CCDC178: variants seen among roughly 807,000 people sequenced by gnomAD.
CCDC178 encodes coiled-coil domain containing 178, also known as coiled-coil domain-containing protein 178.
CCDC178 carries 126 observed loss-of-function variants against 117.4 expected under a neutral mutation model. The ratio of observed to expected loss-of-function variants is 1.07; its 90% confidence interval spans 0.93 to 1.24. The LOEUF (loss-of-function observed/expected upper bound fraction) is 1.24. Ranked by LOEUF, CCDC178 falls within the 50% of genes most tolerant of loss-of-function variation. The pLI is 0.00. For missense variants in CCDC178, 1,030 were observed against 986.9 expected (o/e 1.04, Z -0.59); for synonymous variants, 283 against 313.4 (o/e 0.90, Z 1.02).
chr18:33,324,743 C>CATT (rs1439948177), intron 10 of CCDC178, among the ~76,000 whole-genome samples: 1 of 148,876 alleles, frequency 6.7e-6, no homozygotes, highest in Non-Finnish European at 1.5e-5. Flanking sequence ...TATGTGTCTA[C>CATT]ATTAATTGTC....
At chr18:32,982,494 A>G (rs28706728) in intron 21 of CCDC178, among the ~76,000 whole-genome samples, 61 of 152,292 alleles carry the variant, frequency 4.0e-4, no homozygotes, top group African/African-American at 1.3e-3. Context: ...GTCTATGAAT[A>G]ATAATTTGTT....
At chr18:33,337,179 T>C (rs1054018907) in intron 9 of CCDC178, among the ~76,000 whole-genome samples, 1 of 151,356 alleles carries the variant, frequency 6.6e-6, no homozygotes, top group Admixed American at 6.6e-5. Context: ...GTTGAGTTCC[T>C]AATTTCTCAG....
At chr18:33,287,678 G>A (rs2060115771) in intron 12 of CCDC178, among the ~76,000 whole-genome samples, 1 of 152,120 alleles carries the variant, frequency 6.6e-6, no homozygotes, top group South Asian at 2.1e-4. Flanking sequence ...TACTCAGGAG[G>A]CTGTGGCAGG....
intron 21 of CCDC178, among the ~76,000 whole-genome samples, chr18:33,055,565 G>C (rs993205797): frequency 3.9e-5 from 6 of 152,058 alleles, no homozygotes; most frequent in Non-Finnish European, 8.8e-5. Context: ...CTGGGCTCAA[G>C]CAATCGTCCT....
intron 12 of CCDC178, among the ~76,000 whole-genome samples, chr18:33,283,697 A>G (rs1478833051): frequency 4.6e-5 from 7 of 152,224 alleles, no homozygotes; most frequent in Non-Finnish European, 7.3e-5. Flanking sequence ...AAACAAAACC[A>G]CAATGAAATA....
chr18:33,179,118 ATATATATATAAAC>A (rs1275714506), intron 20 of CCDC178, among the ~76,000 whole-genome samples: 18 of 104,404 alleles, frequency 1.7e-4, no homozygotes, highest in Admixed American at 7.1e-4. Flanking sequence ...TAAACTATAT[ATATATATATAAAC>A]TATATATATA....
intron 20 of CCDC178, among the ~76,000 whole-genome samples, chr18:33,164,137 C>A (rs1306716451): frequency 1.5e-5 from 2 of 132,508 alleles, no homozygotes; most frequent in South Asian, 4.8e-4. Context: ...AACAGAGTTT[C>A]GCTCTTGTTG....
chr18:32,981,878 A>C (rs1470414606), intron 21 of CCDC178, among the ~76,000 whole-genome samples: 1 of 152,172 alleles, frequency 6.6e-6, no homozygotes, highest in Non-Finnish European at 1.5e-5. Context: ...GTGACTTCAT[A>C]ACTTATTTCA....
At chr18:33,226,141 C>T (rs1281826044) in intron 16 of CCDC178, among the ~76,000 whole-genome samples, 2 of 152,194 alleles carry the variant, frequency 1.3e-5, no homozygotes, top group East Asian at 3.9e-4. Context: ...AGCCTGGCGA[C>T]AGAGCAAGAC....
chr18:33,318,146 C>A (rs1321778749), intron 11 of CCDC178, among the ~76,000 whole-genome samples: 1 of 152,214 alleles, frequency 6.6e-6, no homozygotes. Context: ...AACACCCTCA[C>A]CCTTCACTAG....
chr18:33,189,588 G>A (rs773531554), intron 20 of CCDC178, among the ~76,000 whole-genome samples: 3 of 152,244 alleles, frequency 2.0e-5, no homozygotes, highest in Non-Finnish European at 4.4e-5. Context: ...AAAGTGATAT[G>A]AACTGTGTAT....
At chr18:33,431,814 T>C (rs1178029708) in intron 2 of CCDC178, among the ~76,000 whole-genome samples, 1 of 152,230 alleles carries the variant, frequency 6.6e-6, no homozygotes, top group African/African-American at 2.4e-5. Context: ...CCCATTTTTA[T>C]ATCATAACAA....
chr18:33,407,937 CA>C lies in CCDC178; in HGVS notation c.58+4093del, dbSNP rs531810103. On this transcript the variant is annotated intron_variant, in intron 3 of 22. Coordinates refer to ENST00000383096, the MANE Select transcript of CCDC178 (RefSeq NM_001105528.4). Reference sequence around the variant, plus strand: ...CTAGAAGTAATAAAACCCTCATTACCAAAACAAGAAATGTTCAGAAAACCTA... The same window carrying C: ...CTAGAAGTAATAAAACCCTCATTACCAAACAAGAAATGTTCAGAAAACCTA... Among the ~76,000 whole-genome samples, 12 of 151,486 alleles carry C rather than the reference CA, an allele frequency of 7.9e-5. No homozygotes were observed. The South Asian group carries it at 2.3e-3, about 29-fold the overall frequency.
At chr18:33,187,378 T>C (rs2058809742) in intron 20 of CCDC178, among the ~76,000 whole-genome samples, 1 of 152,078 alleles carries the variant, frequency 6.6e-6, no homozygotes, top group Non-Finnish European at 1.5e-5. Flanking sequence ...TTGCAATAGA[T>C]GCAACCCTTT....
At chr18:33,408,817 G>A (rs1016403650) in intron 3 of CCDC178, among the ~76,000 whole-genome samples, 1 of 152,140 alleles carries the variant, frequency 6.6e-6, no homozygotes, top group Non-Finnish European at 1.5e-5. Context: ...ACAAATAAAT[G>A]TGATGCTGCC....
chr18:33,219,708 A>C (rs1414327551), intron 18 of CCDC178, among the ~76,000 whole-genome samples: 1 of 151,820 alleles, frequency 6.6e-6, no homozygotes, highest in African/African-American at 2.4e-5. Flanking sequence ...TCTCACTCAT[A>C]GGTGGGAATT....
intron 21 of CCDC178, among the ~76,000 whole-genome samples, chr18:33,024,007 G>C (rs1018161222): frequency 6.6e-6 from 1 of 152,062 alleles, no homozygotes; most frequent in African/African-American, 2.4e-5. Context: ...GAAATTAACC[G>C]TTCCTCAAAA....
intron 14 of CCDC178, among the ~76,000 whole-genome samples, chr18:33,251,942 A>G (rs2059622783): frequency 6.6e-6 from 1 of 151,736 alleles, no homozygotes; most frequent in Non-Finnish European, 1.5e-5. Context: ...TGTTATTTAA[A>G]TATGTGCTTA....
At chr18:33,238,992 A>AC (rs1183956947) in intron 15 of CCDC178, among the ~76,000 whole-genome samples, 1 of 152,052 alleles carries the variant, frequency 6.6e-6, no homozygotes, top group African/African-American at 2.4e-5. Context: ...CTTAAAAAAA[A>AC]CCCCTGCCAG....
Sources: allele counts gnomAD v4.1 joint callset (sites outside exome capture counted in the v4.1 genomes callset), GRCh38; gene constraint gnomAD v4.1.1; transcripts MANE v1.5; gene names NCBI Gene and HGNC (gene_info 2026-07-23, HGNC 2026-07-21).